AIG1: variants seen among roughly 807,000 people sequenced by gnomAD.
AIG1 encodes androgen induced 1, also known as androgen-induced gene 1 protein.
A neutral mutation model predicts 31.4 loss-of-function variants in AIG1; 23 were observed. The observed-to-expected ratio is 0.73, with a 90% confidence interval of 0.53 to 1.04. The LOEUF is 1.04. Ranked by LOEUF, AIG1 falls within the 50% of genes least tolerant of loss-of-function variation. The pLI is 0.00. For missense variants in AIG1, 274 were observed against 295.0 expected, an observed-to-expected ratio of 0.93 and a Z score of 0.52; for synonymous variants, 100 against 110.5, an observed-to-expected ratio of 0.90 and a Z score of 0.60.
intron 1 of AIG1, among the ~76,000 whole-genome samples, chr6:143,122,049 T>C (rs1782287580): frequency 6.6e-6 from 1 of 152,200 alleles, no homozygotes; most frequent in Non-Finnish European, 1.5e-5. Flanking sequence ...TTTTCTTTGT[T>C]CTGAGTTCTT....
chr6:143,333,550 C>G lies in AIG1; in HGVS notation c.679+105C>G. On this transcript the variant is annotated intron_variant, in intron 5 of 5. Transcript: ENST00000357847. The surrounding 1 kb of genome is among the most constrained non-coding windows in gnomAD (Gnocchi z 4.6). The stretch of plus-strand genomic sequence containing the variant: ...CTGTAGCCTCTTCTTTTAGCCTTCA[C>G]ACAGGATCTCCTATAAAGAGCTCCA... 1 of 1,189,876 alleles carries G rather than the reference C, an allele frequency of 8.4e-7. No individual in the cohort carries two copies. The highest frequency in any genetic ancestry group is 1.2e-6 in the Non-Finnish European group (1 of 853,100). The allele number at this position is 1,189,876 out of a possible 1,614,324, so 73.7% of individuals were successfully genotyped here.
At chr6:143,141,071 T>C (rs1460506394) in intron 2 of AIG1, among the ~76,000 whole-genome samples, 5 of 152,194 alleles carry the variant, frequency 3.3e-5, no homozygotes, top group Admixed American at 3.3e-4. Flanking sequence ...AGCAAAGTTA[T>C]TTTTGCTTCA....
At chr6:143,234,202 T>C (rs1304527401) in intron 3 of AIG1, among the ~76,000 whole-genome samples, 1 of 152,196 alleles carries the variant, frequency 6.6e-6, no homozygotes, top group Non-Finnish European at 1.5e-5. Context: ...TTTGACAGTT[T>C]TTCCCACTGT....
At chr6:143,319,975 G>C (rs776020412) in intron 4 of AIG1, among the ~76,000 whole-genome samples, 11 of 151,824 alleles carry the variant, frequency 7.2e-5, no homozygotes, top group Non-Finnish European at 1.5e-4. Context: ...AGCTGATAAA[G>C]AATAAATATC....
chr6:143,124,440 T>A (rs1229453689), intron 1 of AIG1, among the ~76,000 whole-genome samples: 1 of 152,150 alleles, frequency 6.6e-6, no homozygotes, highest in Non-Finnish European at 1.5e-5. Context: ...CACTACATGC[T>A]CCAGGTCTCC....
intron 4 of AIG1, among the ~76,000 whole-genome samples, chr6:143,289,276 C>G (rs1043950297): frequency 2.0e-5 from 3 of 152,142 alleles, no homozygotes; most frequent in African/African-American, 7.2e-5. Flanking sequence ...TTCAGGACCT[C>G]CTATCTGTTA....
At chr6:143,062,510 T>C (rs1776345092) in intron 1 of AIG1, among the ~76,000 whole-genome samples, 1 of 152,220 alleles carries the variant, frequency 6.6e-6, no homozygotes, top group Admixed American at 6.5e-5. Context: ...TCACCAGGGC[T>C]ATCTTTATAT....
intron 2 of AIG1, among the ~76,000 whole-genome samples, chr6:143,157,134 GA>G (rs1785853608): frequency 6.6e-6 from 1 of 152,148 alleles, no homozygotes; most frequent in Admixed American, 6.5e-5. Context: ...ATCTCAATGT[GA>G]AAAAAATTAA....
chr6:143,221,667 A>G (rs992097583), intron 3 of AIG1, among the ~76,000 whole-genome samples: 1 of 152,104 alleles, frequency 6.6e-6, no homozygotes, highest in African/African-American at 2.4e-5. Flanking sequence ...CTTGTAATAC[A>G]TTTCATGCAT....
At chr6:143,253,798 C>T (rs571823262) in intron 3 of AIG1, among the ~76,000 whole-genome samples, 2 of 152,322 alleles carry the variant, frequency 1.3e-5, no homozygotes, top group African/African-American at 4.8e-5. Context: ...TCCAACAACA[C>T]TTAATCCCCT....
chr6:143,173,100 G>T (rs980547444), intron 3 of AIG1, among the ~76,000 whole-genome samples: 2 of 151,738 alleles, frequency 1.3e-5, no homozygotes, highest in African/African-American at 4.8e-5. Context: ...CTGTTGCCCA[G>T]GCTAGAGTGC....
intron 4 of AIG1, among the ~76,000 whole-genome samples, chr6:143,318,226 C>T (rs1305360617): frequency 2.6e-5 from 4 of 152,094 alleles, no homozygotes; most frequent in Non-Finnish European, 5.9e-5. Flanking sequence ...TACCAGACTT[C>T]AAACTATACT....
intron 3 of AIG1, among the ~76,000 whole-genome samples, chr6:143,197,514 A>T (rs1041730432): frequency 6.6e-6 from 1 of 152,326 alleles, no homozygotes; most frequent in East Asian, 1.9e-4. Flanking sequence ...ACTGATCCTT[A>T]TACTCATTTC....
In AIG1 at chr6:143,261,385, G is replaced by A. The variant is rs190636431; in HGVS notation, c.400-22725G>A. 3.6e-4 allele frequency among the ~76,000 whole-genome samples: 55 copies of A among 152,262 alleles called. No individual in the cohort carries two copies. The East Asian group carries it at 9.8e-3, about 27-fold the overall frequency. ...GACCTCAGGTGATCCACCCGCCTCG[G>A]CCTCTCAAAGTGCTGGGATTACAGA... On this transcript the variant is annotated intron_variant, in intron 3 of 5. Transcript: ENST00000357847.
At position 143,179,653 on chromosome 6, in the gene AIG1, CT is replaced by C. The variant is rs369707005; in HGVS notation, c.399+14479del. On this transcript the variant is annotated intron_variant, in intron 3 of 5. Transcript: ENST00000357847. Reference sequence around the variant, plus strand: ...CATATCCCTTCCTTTCTATTGTCTACTTTTTTTTTCTCAGCAACCAATCCTA... The same window carrying C: ...CATATCCCTTCCTTTCTATTGTCTACTTTTTTTTCTCAGCAACCAATCCTA... Among the ~76,000 whole-genome samples the C allele has an allele frequency of 9.0e-3, 1,359 of 151,718 alleles. 12 individuals carry two copies. The highest frequency in any genetic ancestry group is 0.031 in the African/African-American group (1,281 of 41,382).
At chr6:143,188,077 G>C (rs1029446084) in intron 3 of AIG1, 1 of 1,066,600 alleles carries the variant, frequency 9.4e-7, no homozygotes, top group Non-Finnish European at 1.1e-6. Flanking sequence ...GATGCTCAAA[G>C]GGTACAGTGA....
At chr6:143,183,485 C>T (rs537858211) in intron 3 of AIG1, among the ~76,000 whole-genome samples, 104 of 152,280 alleles carry the variant, frequency 6.8e-4, no homozygotes, top group African/African-American at 2.3e-3. Flanking sequence ...TGAGACACCA[C>T]GCCCGGTCAG....
chr6:143,233,023 G>A (rs1793557194), intron 3 of AIG1, among the ~76,000 whole-genome samples: 1 of 152,166 alleles, frequency 6.6e-6, no homozygotes, highest in Admixed American at 6.5e-5. Flanking sequence ...TGTGCATGAA[G>A]CAGTCAGCAA....
At chr6:143,107,759 G>A (rs1483702495) in intron 1 of AIG1, among the ~76,000 whole-genome samples, 1 of 152,178 alleles carries the variant, frequency 6.6e-6, no homozygotes, top group African/African-American at 2.4e-5. Context: ...CGAGTTATAA[G>A]TCATTTCTGA....
Sources: gnomAD v4.1 joint callset for allele counts (sites outside exome capture counted in the v4.1 genomes callset) on GRCh38, gnomAD v4.1.1 for gene constraint, Gnocchi (gnomAD v3.1) non-coding constraint, MANE v1.5 for transcripts, NCBI Gene and HGNC (gene_info 2026-07-23, HGNC 2026-07-21) for gene names.